PLEKHM1: variants seen among roughly 807,000 people sequenced by gnomAD.
PLEKHM1 encodes the protein pleckstrin homology domain-containing family M member 1.
A neutral mutation model predicts 94.3 loss-of-function variants in PLEKHM1; 28 were observed. The observed-to-expected ratio is 0.30, with a 90% CI of 0.22 to 0.41. PLEKHM1 has a LOEUF of 0.41. PLEKHM1 is among the 10% of genes least tolerant of loss of function. The pLI, the probability that PLEKHM1 is intolerant of heterozygous loss-of-function variation, is 1.00. For synonymous variants in PLEKHM1, 424 were observed against 581.2 expected, an observed-to-expected ratio of 0.73 and a Z score of 3.89; for missense variants, 907 against 1,358.6, an observed-to-expected ratio of 0.67 and a Z score of 5.22.
At chr17:45,474,366 T>C (rs1363810335) in intron 4 of PLEKHM1, among the ~76,000 whole-genome samples, 1 of 151,496 alleles carries the variant, frequency 6.6e-6, no homozygotes, top group Non-Finnish European at 1.5e-5. Context: ...TGCAAAAAAA[T>C]GTTTAAAAGG....
intron 3 of PLEKHM1, among the ~76,000 whole-genome samples, chr17:45,476,450 A>G (rs557977218): frequency 5.3e-5 from 8 of 152,166 alleles, no homozygotes; most frequent in South Asian, 2.1e-4. Context: ...GAGCGCTCCA[A>G]TTACAGCATG....
chr17:45,473,093 T>A lies in PLEKHM1; in HGVS notation c.923+2007A>T, dbSNP rs1224079048. 4.6e-5 allele frequency among the ~76,000 whole-genome samples: 7 copies of A among 152,112 alleles called. No homozygotes were observed. The East Asian group carries it at 7.7e-4, about 17-fold the overall frequency. ...CTGGTGGAGTGTAAATGGGCAATAA[T>A]CTGTGAACATTCCATATTAGTCTAT... On this transcript the variant is annotated intron_variant, in intron 4 of 11. Coordinates refer to ENST00000430334, the MANE Select transcript of PLEKHM1 (RefSeq NM_014798.3).
intron 1 of PLEKHM1, among the ~76,000 whole-genome samples, chr17:45,484,249 T>G (rs765715991): frequency 5.3e-5 from 8 of 152,246 alleles, no homozygotes; most frequent in Non-Finnish European, 1.0e-4. Context: ...GGAAAATTTA[T>G]GTCCTGCAGA....
At chr17:45,462,833 G>T (rs968702467) in intron 5 of PLEKHM1, among the ~76,000 whole-genome samples, 1 of 152,190 alleles carries the variant, frequency 6.6e-6, no homozygotes, top group Non-Finnish European at 1.5e-5. Context: ...TGTAATCCCA[G>T]CACTTTGGGA....
chr17:45,482,313 G>C, intron 2 of PLEKHM1, 124 bp downstream of exon 2: 1 of 538,716 alleles, frequency 1.9e-6, no homozygotes, highest in Non-Finnish European at 3.6e-6. Flanking sequence ...GAGCCTGCTT[G>C]TGCTGTAACT....
chr17:45,444,393 G>T lies in PLEKHM1; in HGVS notation c.2837+1077C>A, dbSNP rs1365819418. On this transcript the variant is annotated intron_variant, in intron 9 of 11. Transcript: ENST00000430334. The surrounding 1 kb of genome is among the most constrained non-coding windows in gnomAD (Gnocchi z 5.0). ...AAGCGTTTATGACAGGCATGGAGAG[G>T]CCTAAGTCCCTGTTGAAGCCCAGCA... 6.6e-6 allele frequency among the ~76,000 whole-genome samples: 1 copy of T among 152,176 alleles called. No individual in the cohort carries two copies. The highest frequency in any genetic ancestry group is 1.5e-5 in the Non-Finnish European group (1 of 68,018).
Position 45,475,136 on chromosome 17 carries a change from G to A in PLEKHM1, c.887C>T (p.Thr296Ile). Reference protein sequence around the residue: ...EPMSCDSDLGTANAEDSDRSL... With the variant: ...EPMSCDSDLGIANAEDSDRSL... Reference sequence around the variant, plus strand: ...CCGGTCTGAGTCCTCAGCATTTGCTGTGCCCAGGTCTGAGTCACAGGACAT... The same window carrying A: ...CCGGTCTGAGTCCTCAGCATTTGCTATGCCCAGGTCTGAGTCACAGGACAT... Residue 296 changes from threonine to isoleucine, a missense_variant, in exon 4 of 12, where the codon ACA becomes ATA. By Grantham distance (89) the Thr-to-Ile change is moderately conservative. This residue lies in a region of PLEKHM1 where 477 missense variants were observed against 601.5 expected (regional missense o/e 0.79). Transcript: ENST00000430334. The A allele has an allele frequency of 1.2e-6, 2 of 1,613,988 alleles. No individual in the cohort carries two copies. Among genetic ancestry groups the A allele is most frequent in the Middle Eastern group, 1.7e-4 (1 of 6,056 alleles).
At chr17:45,488,015 T>C (rs987762457) in intron 1 of PLEKHM1, among the ~76,000 whole-genome samples, 20 of 152,372 alleles carry the variant, frequency 1.3e-4, no homozygotes, top group Non-Finnish European at 2.4e-4. Flanking sequence ...CTGAGGAAAC[T>C]GCACCTCTGT....
rs1168350060 is a variant in PLEKHM1, at chr17:45,468,388, G to A, written c.1129C>T (p.Arg377Cys). 12 of 1,614,220 alleles carry A rather than the reference G, an allele frequency of 7.4e-6. No individual in the cohort carries two copies. Among genetic ancestry groups the A allele is most frequent in the Admixed American group, 1.7e-5 (1 of 60,036 alleles). The change falls in exon 5 of 12, where the codon CGT becomes TGT. Residue 377 changes from arginine to cysteine, a missense_variant. Arg to Cys is a radical substitution (Grantham distance 180, BLOSUM62 -3). Around this residue, in one of 3 missense-constraint regions of PLEKHM1, gnomAD observed 477 missense variants for 601.5 expected, o/e 0.79. Transcript: ENST00000430334. ...TCCAGGGGGCTGGGCGCCTGGGGAC[G>A]CGGCTCCTGCACGTGGACACCATCT... ...TQDGVHVQEP[R>C]PQAPSPLDLQ...
chr17:45,463,080 T>A (rs1268246702), intron 5 of PLEKHM1, among the ~76,000 whole-genome samples: 1 of 141,560 alleles, frequency 7.1e-6, no homozygotes, highest in Non-Finnish European at 1.5e-5. Context: ...CACAAGAGTC[T>A]GTGTCAAAAA....
intron 2 of PLEKHM1, among the ~76,000 whole-genome samples, chr17:45,479,996 A>G (rs549710989): frequency 6.0e-4 from 91 of 152,360 alleles, no homozygotes; most frequent in African/African-American, 2.1e-3. Flanking sequence ...ATGGCTACAT[A>G]TTTTAATCTT....
intron 4 of PLEKHM1, among the ~76,000 whole-genome samples, chr17:45,470,401 G>A (rs1365477500): frequency 1.4e-4 from 21 of 152,026 alleles, no homozygotes; most frequent in African/African-American, 4.6e-4. Context: ...GGCCAAGGCG[G>A]GTGGATCACC....
chr17:45,476,943 G>A (rs1394188320), intron 3 of PLEKHM1: 2 of 152,194 alleles, frequency 1.3e-5, no homozygotes. Context: ...GAGATAAGGG[G>A]GACAAATAGA....
intron 4 of PLEKHM1, among the ~76,000 whole-genome samples, chr17:45,470,049 G>A (rs1179054255): frequency 1.3e-5 from 2 of 152,112 alleles, no homozygotes; most frequent in East Asian, 3.9e-4. Context: ...TCCAGCCTGG[G>A]TGAAAGAGCG....
chr17:45,476,506 G>T (rs575558763), intron 3 of PLEKHM1, among the ~76,000 whole-genome samples: 52 of 151,960 alleles, frequency 3.4e-4, no homozygotes, highest in Non-Finnish European at 5.6e-4. Flanking sequence ...GAAAGAGAGG[G>T]TCTTAAATAT....
chr17:45,458,580 C>T (rs2051049256), intron 5 of PLEKHM1, 141 bp from the exon 6 acceptor site: 1 of 803,464 alleles, frequency 1.2e-6, no homozygotes, highest in East Asian at 2.7e-5. Flanking sequence ...AAGCGATTCT[C>T]CTGCCCCAGT....
At chr17:45,473,433 A>G (rs2051582676) in intron 4 of PLEKHM1, among the ~76,000 whole-genome samples, 1 of 152,258 alleles carries the variant, frequency 6.6e-6, no homozygotes, top group South Asian at 2.1e-4. Context: ...TCTATAAAAA[A>G]TAAAAATAAA....
intron 5 of PLEKHM1, among the ~76,000 whole-genome samples, chr17:45,466,594 A>G (rs1400369971): frequency 6.6e-6 from 1 of 152,238 alleles, no homozygotes; most frequent in Non-Finnish European, 1.5e-5. Flanking sequence ...CGGAATGACA[A>G]CTTGGACAGA....
chr17:45,469,807 C>A (rs1045034886), intron 4 of PLEKHM1, among the ~76,000 whole-genome samples: 1 of 152,184 alleles, frequency 6.6e-6, no homozygotes, highest in African/African-American at 2.4e-5. Context: ...GGTGTGGTGG[C>A]TCACATCTGC....
Sources: allele counts gnomAD v4.1 joint callset (sites outside exome capture counted in the v4.1 genomes callset), GRCh38; gene constraint gnomAD v4.1.1; regional missense constraint gnomAD v4.1.1; non-coding constraint Gnocchi (gnomAD v3.1); transcripts MANE v1.5; gene names NCBI Gene and HGNC (gene_info 2026-07-23, HGNC 2026-07-21).